Variants in CRIM1 observed in about 807,000 individuals in gnomAD.
The protein encoded by CRIM1 is cysteine-rich motor neuron 1 protein.
A neutral mutation model predicts 116.4 loss-of-function variants in CRIM1; 32 were observed. That is an observed-to-expected ratio of 0.27 (90% CI 0.21 to 0.37). CRIM1 has a LOEUF of 0.37. CRIM1 is among the 10% of genes least tolerant of loss of function. The probability of loss-of-function intolerance (pLI) is 1.00; values close to 1 mark genes in which losing one functional copy is unlikely to be tolerated. For missense variants in CRIM1, 1,331 were observed against 1,354.8 expected (o/e 0.98, Z 0.28); for synonymous variants, 590 against 509.2 (o/e 1.16, Z -2.13).
At chr2:36,384,855 C>A (rs1671056041) in intron 1 of CRIM1, among the ~76,000 whole-genome samples, 1 of 152,204 alleles carries the variant, frequency 6.6e-6, no homozygotes, top group Non-Finnish European at 1.5e-5. Context: ...CTACTGTCCA[C>A]CTAAACATAC....
At chr2:36,468,493 T>C (rs1018064875) in intron 5 of CRIM1, among the ~76,000 whole-genome samples, 1 of 152,210 alleles carries the variant, frequency 6.6e-6, no homozygotes, top group African/African-American at 2.4e-5. Flanking sequence ...TATGAGGCTT[T>C]GGCTGAACAA....
chr2:36,517,883 T>G (rs1665135464), intron 12 of CRIM1, among the ~76,000 whole-genome samples: 1 of 152,240 alleles, frequency 6.6e-6, no homozygotes, highest in South Asian at 2.1e-4. Context: ...TCTGTTACTG[T>G]GAAAAGTCAT....
chr2:36,436,884 T>C (rs1006796744), intron 2 of CRIM1, among the ~76,000 whole-genome samples: 2 of 152,180 alleles, frequency 1.3e-5, no homozygotes, highest in Admixed American at 1.3e-4. Flanking sequence ...TTCTAAAAAG[T>C]CTTTAAAAAG....
chr2:36,473,848 A>G (rs900470535), intron 5 of CRIM1, among the ~76,000 whole-genome samples: 5 of 151,924 alleles, frequency 3.3e-5, no homozygotes, highest in Non-Finnish European at 5.9e-5. Flanking sequence ...TTTTGTGGGT[A>G]TATATTTTCA....
At chr2:36,427,500 T>C (rs997504690) in intron 2 of CRIM1, among the ~76,000 whole-genome samples, 4 of 152,086 alleles carry the variant, frequency 2.6e-5, no homozygotes, top group Admixed American at 2.0e-4. Context: ...CTTTCAGAGG[T>C]GGGAGCCGTA....
intron 5 of CRIM1, among the ~76,000 whole-genome samples, chr2:36,470,664 C>T (rs1440894742): frequency 6.6e-6 from 1 of 152,200 alleles, no homozygotes; most frequent in Non-Finnish European, 1.5e-5. Context: ...ATTGACAATG[C>T]ACCTGGTCTC....
At chr2:36,449,345 G>A (rs887127450) in intron 4 of CRIM1, among the ~76,000 whole-genome samples, 5 of 152,122 alleles carry the variant, frequency 3.3e-5, no homozygotes, top group African/African-American at 1.2e-4. Context: ...GTCCCTTGTG[G>A]CCCTGGGCTC....
In CRIM1 at chr2:36,394,685, G is replaced by A. The variant is rs148651315; in HGVS notation, c.332-1929G>A. On this transcript the variant is annotated intron_variant, in intron 1 of 16. Transcript: ENST00000280527. ...AGAACCAAATTTAGGCTAAATAGGA[G>A]AACAGATTTTAAATAAAACATAAAT... Among the ~76,000 whole-genome samples, 892 of 151,786 alleles carry A rather than the reference G, an allele frequency of 5.9e-3. 6 individuals are homozygous for A. The highest frequency in any genetic ancestry group is 0.017 in the Middle Eastern group (5 of 292).
intron 9 of CRIM1, among the ~76,000 whole-genome samples, chr2:36,510,755 C>A (rs1429514167): frequency 6.6e-6 from 1 of 152,058 alleles, no homozygotes; most frequent in Non-Finnish European, 1.5e-5. Flanking sequence ...GAAATAGACA[C>A]TTCATATTTG....
intron 4 of CRIM1, among the ~76,000 whole-genome samples, chr2:36,463,506 C>T (rs984933418): frequency 6.6e-6 from 1 of 152,100 alleles, no homozygotes; most frequent in Non-Finnish European, 1.5e-5. Flanking sequence ...TTACTCCTGT[C>T]AACCTGGGAA....
chr2:36,533,033 C>A (rs1438514759), intron 13 of CRIM1, among the ~76,000 whole-genome samples: 2 of 152,166 alleles, frequency 1.3e-5, no homozygotes, highest in East Asian at 1.9e-4. Context: ...GGTTATTTTT[C>A]GTTGGATATT....
intron 11 of CRIM1, among the ~76,000 whole-genome samples, chr2:36,515,548 A>G (rs1664985314): frequency 6.6e-6 from 1 of 152,178 alleles, no homozygotes; most frequent in Non-Finnish European, 1.5e-5. Flanking sequence ...TCCCCTCTTC[A>G]TTCCAAGATC....
chr2:36,480,334 C>G (rs537343790), intron 7 of CRIM1, among the ~76,000 whole-genome samples: 1 of 152,322 alleles, frequency 6.6e-6, no homozygotes, highest in South Asian at 2.1e-4. Flanking sequence ...TGGGAAGATT[C>G]TCTGCATACT....
intron 1 of CRIM1, among the ~76,000 whole-genome samples, chr2:36,357,426 C>G (rs1668924524): frequency 1.3e-5 from 2 of 152,070 alleles, no homozygotes; most frequent in Admixed American, 1.3e-4. Flanking sequence ...GTTCTGCTGG[C>G]TTCTCCAGCA....
At chr2:36,469,766 C>CTT (rs1343860246) in intron 5 of CRIM1, among the ~76,000 whole-genome samples, 1 of 152,186 alleles carries the variant, frequency 6.6e-6, no homozygotes, top group Non-Finnish European at 1.5e-5. Flanking sequence ...TATTCTGGCA[C>CTT]TTTGAGAGCA....
intron 2 of CRIM1, among the ~76,000 whole-genome samples, chr2:36,430,676 G>C (rs1227150328): frequency 1.3e-5 from 2 of 152,206 alleles, no homozygotes; most frequent in Non-Finnish European, 2.9e-5. Flanking sequence ...TGGCCCAGAA[G>C]GGTGGAGATG....
intron 13 of CRIM1, among the ~76,000 whole-genome samples, chr2:36,532,567 A>AT (rs576110265): frequency 1.7e-3 from 257 of 152,314 alleles, no homozygotes; most frequent in African/African-American, 5.9e-3. Context: ...TCGAGTCCCC[A>AT]TTTTCAAGAG....
At chr2:36,506,990 G>A (rs1572891161) in intron 8 of CRIM1, among the ~76,000 whole-genome samples, 2 of 152,050 alleles carry the variant, frequency 1.3e-5, no homozygotes, top group South Asian at 4.2e-4. Flanking sequence ...CTCCCAAGTA[G>A]CTGGGATTAC....
At chr2:36,502,885 C>A (rs1483006305) in intron 8 of CRIM1, among the ~76,000 whole-genome samples, 2 of 152,154 alleles carry the variant, frequency 1.3e-5, no homozygotes, top group Non-Finnish European at 2.9e-5. Flanking sequence ...CCTGAGATCT[C>A]CCTTTGAGGT....
Sources: allele counts gnomAD v4.1 joint callset (sites outside exome capture counted in the v4.1 genomes callset), GRCh38; gene constraint gnomAD v4.1.1; transcripts MANE v1.5; gene names NCBI Gene and HGNC (gene_info 2026-07-23, HGNC 2026-07-21).